MAGI2: variants seen among roughly 807,000 people sequenced by gnomAD.
The protein encoded by MAGI2 is membrane associated guanylate kinase, WW and PDZ domain containing 2.
A neutral mutation model predicts 133.3 loss-of-function variants in MAGI2; 35 were observed. The ratio of observed to expected loss-of-function variants is 0.26; its 90% CI spans 0.20 to 0.35. MAGI2 has a LOEUF of 0.35. MAGI2 is among the 10% of genes least tolerant of loss of function. The pLI, the probability that MAGI2 is intolerant of heterozygous loss-of-function variation, is 1.00. For missense variants in MAGI2, 1,636 were observed against 1,863.4 expected, an observed-to-expected ratio of 0.88 and a Z score of 2.25; for synonymous variants, 729 against 710.6, an observed-to-expected ratio of 1.03 and a Z score of -0.41.
At chr7:78,295,815 T>TAGTC (rs1457875093) in intron 9 of MAGI2, among the ~76,000 whole-genome samples, 5 of 152,110 alleles carry the variant, frequency 3.3e-5, no homozygotes, top group African/African-American at 1.2e-4. Context: ...AGAATATCCA[T>TAGTC]AGTCATCTCA....
chr7:78,978,701 G>A (rs1365650311), intron 2 of MAGI2, among the ~76,000 whole-genome samples: 5 of 151,856 alleles, frequency 3.3e-5, no homozygotes, highest in Non-Finnish European at 7.4e-5. Flanking sequence ...TGTGACAAAA[G>A]TATTTAACTG....
At chr7:79,422,479 GA>G (rs1030157781) in intron 1 of MAGI2, among the ~76,000 whole-genome samples, 15 of 151,692 alleles carry the variant, frequency 9.9e-5, no homozygotes, top group African/African-American at 3.4e-4. Flanking sequence ...CAATATATCA[GA>G]AAAAAATGTA....
chr7:79,047,774 G>T (rs970947302), intron 1 of MAGI2, among the ~76,000 whole-genome samples: 1 of 151,786 alleles, frequency 6.6e-6, no homozygotes, highest in East Asian at 1.9e-4. Flanking sequence ...TGATTATAAG[G>T]GTCTCTAATG....
intron 9 of MAGI2, among the ~76,000 whole-genome samples, chr7:78,281,969 G>C (rs537981507): frequency 6.6e-6 from 1 of 151,316 alleles, no homozygotes; most frequent in South Asian, 2.1e-4. Flanking sequence ...AATTTTCACT[G>C]TGAGTTCTTT....
At chr7:78,282,135 A>G (rs1006155587) in intron 9 of MAGI2, among the ~76,000 whole-genome samples, 1 of 151,978 alleles carries the variant, frequency 6.6e-6, no homozygotes, top group Non-Finnish European at 1.5e-5. Context: ...GTGTAGTACT[A>G]TTGCTGGTAT....
intron 1 of MAGI2, among the ~76,000 whole-genome samples, chr7:79,408,265 T>C (rs1378876260): frequency 6.6e-6 from 1 of 152,122 alleles, no homozygotes; most frequent in Non-Finnish European, 1.5e-5. Flanking sequence ...AGGAACACTC[T>C]AATGAGAAAT....
chr7:79,142,797 C>T (rs1822263875), intron 1 of MAGI2, among the ~76,000 whole-genome samples: 2 of 152,076 alleles, frequency 1.3e-5, no homozygotes, highest in African/African-American at 2.4e-5. Flanking sequence ...TTGTTCCCAC[C>T]CTTTTAGTGT....
intron 6 of MAGI2, among the ~76,000 whole-genome samples, chr7:78,476,896 T>A (rs1791812454): frequency 6.6e-6 from 1 of 151,562 alleles, no homozygotes; most frequent in Non-Finnish European, 1.5e-5. Flanking sequence ...AAAAAAAAAA[T>A]GCTTTTTAAA....
chr7:79,280,788 G>C (rs1835576485), intron 1 of MAGI2, among the ~76,000 whole-genome samples: 1 of 151,644 alleles, frequency 6.6e-6, no homozygotes, highest in African/African-American at 2.4e-5. Context: ...AGCCAGGCAT[G>C]GTGGTGCGAA....
chr7:79,241,884 C>T (rs1288327148), intron 1 of MAGI2, among the ~76,000 whole-genome samples: 1 of 152,178 alleles, frequency 6.6e-6, no homozygotes, highest in Non-Finnish European at 1.5e-5. Context: ...GTGGTCCCAT[C>T]TAGAGGCAGA....
intron 2 of MAGI2, among the ~76,000 whole-genome samples, chr7:78,918,579 G>C (rs1798975721): frequency 6.6e-6 from 1 of 151,990 alleles, no homozygotes; most frequent in Non-Finnish European, 1.5e-5. Flanking sequence ...TATCATTTTG[G>C]CCTTAGATAA....
chr7:79,359,925 G>A (rs1411880580), intron 1 of MAGI2, among the ~76,000 whole-genome samples: 1 of 152,038 alleles, frequency 6.6e-6, no homozygotes, highest in Non-Finnish European at 1.5e-5. Flanking sequence ...TGCTCTTTGA[G>A]GCTGAAGCAA....
chr7:78,538,991 A>C (rs565213523), intron 3 of MAGI2, among the ~76,000 whole-genome samples: 2 of 152,388 alleles, frequency 1.3e-5, no homozygotes, highest in South Asian at 4.1e-4. Context: ...ACAGTGGAAC[A>C]TGACAAGAAT....
intron 1 of MAGI2, among the ~76,000 whole-genome samples, chr7:79,032,451 G>A (rs1396786244): frequency 2.0e-5 from 3 of 150,556 alleles, no homozygotes; most frequent in Non-Finnish European, 4.4e-5. Context: ...CCAGGAGGTG[G>A]AGGTTGCAGT....
At chr7:78,386,001 C>T (rs931107406) in intron 6 of MAGI2, among the ~76,000 whole-genome samples, 1 of 151,752 alleles carries the variant, frequency 6.6e-6, no homozygotes, top group Non-Finnish European at 1.5e-5. Flanking sequence ...AAACTTCCCC[C>T]CCTAGCTCAA....
At position 78,125,771 on chromosome 7, in the gene MAGI2, C is replaced by T; in HGVS notation, c.3490G>A (p.Gly1164Arg). Residue 1164 changes from glycine to arginine, a missense_variant, in exon 20 of 22, where the codon GGA becomes AGA. Around this residue, in one of 5 missense-constraint regions of MAGI2, gnomAD observed 49 missense variants for 103.8 expected, o/e 0.47. Transcript: ENST00000354212. The part of the protein sequence containing the change: ...AKGFGFSIRG[G>R]REYKMDLYVL... ...TACAAATCCATTTTGTATTCCCTTC[C>T]TCCACGAATGCTGAATCCAAATCCT... The T allele has an allele frequency of 6.2e-7, 1 of 1,614,120 alleles. No homozygotes were observed. Among genetic ancestry groups the T allele is most frequent in the Non-Finnish European group, 8.5e-7 (1 of 1,179,978 alleles).
intron 6 of MAGI2, among the ~76,000 whole-genome samples, chr7:78,439,669 G>A (rs1388514568): frequency 6.6e-6 from 1 of 152,042 alleles, no homozygotes; most frequent in Non-Finnish European, 1.5e-5. Context: ...CTTGGTTTTT[G>A]GCTTCTGAAA....
intron 2 of MAGI2, among the ~76,000 whole-genome samples, chr7:78,823,974 A>T (rs1161053814): frequency 1.3e-5 from 2 of 152,076 alleles, no homozygotes; most frequent in Non-Finnish European, 2.9e-5. Flanking sequence ...ATAAAGACTA[A>T]GTTCCTATTG....
intron 12 of MAGI2, among the ~76,000 whole-genome samples, chr7:78,186,131 A>T (rs2868866): frequency 0.72 from 108,849 of 152,036 alleles, 41,002 homozygotes; most frequent in Non-Finnish European, 0.84. Context: ...GTCCAAATAT[A>T]TTGATATTTC....
Sources: gnomAD v4.1 joint callset for allele counts (sites outside exome capture counted in the v4.1 genomes callset) on GRCh38, gnomAD v4.1.1 for gene constraint, gnomAD v4.1.1 regional missense constraint, MANE v1.5 for transcripts, NCBI Gene and HGNC (gene_info 2026-07-23, HGNC 2026-07-21) for gene names.